CNTN4: variants seen among roughly 807,000 people sequenced by gnomAD.
CNTN4 encodes the protein contactin 4, also known as contactin-4.
A neutral mutation model predicts 122.5 loss-of-function variants in CNTN4; 77 were observed. That is an observed-to-expected ratio of 0.63 (90% CI 0.52 to 0.76). The LOEUF (loss-of-function observed/expected upper bound fraction) is 0.76. Among genes scored for constraint, CNTN4 ranks in the 30% least tolerant of loss-of-function variants. CNTN4 has a pLI of 0.00. For synonymous variants in CNTN4, 512 were observed against 447.0 expected, an observed-to-expected ratio of 1.15 and a Z score of -1.83; for missense variants, 1,256 against 1,259.1, an observed-to-expected ratio of 1.00 and a Z score of 0.04.
At chr3:2,906,561 G>C (rs2094235397) in intron 12 of CNTN4, among the ~76,000 whole-genome samples, 1 of 152,036 alleles carries the variant, frequency 6.6e-6, no homozygotes, top group South Asian at 2.1e-4. Flanking sequence ...ATGGTGGCCG[G>C]GCACGGTGGC....
intron 4 of CNTN4, among the ~76,000 whole-genome samples, chr3:2,686,746 T>C (rs1247117475): frequency 6.6e-6 from 1 of 152,208 alleles, no homozygotes; most frequent in Non-Finnish European, 1.5e-5. Flanking sequence ...CTAAGTCCTG[T>C]GCTCTGAGCA....
chr3:2,492,814 A>G (rs987437522), intron 3 of CNTN4, among the ~76,000 whole-genome samples: 1 of 152,208 alleles, frequency 6.6e-6, no homozygotes, highest in African/African-American at 2.4e-5. Context: ...ACCGCATGCC[A>G]GTACCCTAAT....
At chr3:2,702,268 A>G (rs2086398565) in intron 4 of CNTN4, among the ~76,000 whole-genome samples, 1 of 152,238 alleles carries the variant, frequency 6.6e-6, no homozygotes, top group Non-Finnish European at 1.5e-5. Context: ...ACCAAAGGAA[A>G]CCAGAGTGGA....
At chr3:2,294,029 G>A (rs549712898) in intron 2 of CNTN4, among the ~76,000 whole-genome samples, 137 of 152,292 alleles carry the variant, frequency 9.0e-4, no homozygotes, top group African/African-American at 3.2e-3. Context: ...GTTAGTGGAA[G>A]CATTTGAACC....
At chr3:2,832,364 A>C (rs9859742) in intron 7 of CNTN4, among the ~76,000 whole-genome samples, 1 of 152,002 alleles carries the variant, frequency 6.6e-6, no homozygotes, top group Non-Finnish European at 1.5e-5. Context: ...CAGGTCTGCT[A>C]GGGAGGAGCG....
chr3:2,435,981 A>G (rs986086754), intron 3 of CNTN4, among the ~76,000 whole-genome samples: 9 of 152,184 alleles, frequency 5.9e-5, no homozygotes, highest in Non-Finnish European at 1.2e-4. Flanking sequence ...AGGTCAAAAA[A>G]CTGTTTATAT....
intron 12 of CNTN4, among the ~76,000 whole-genome samples, chr3:2,906,159 T>A (rs2094229133): frequency 6.6e-6 from 1 of 151,350 alleles, no homozygotes; most frequent in Non-Finnish European, 1.5e-5. Context: ...TAGAGTAGAA[T>A]GCTGGTTGTC....
At chr3:2,178,736 C>G (rs2036869195) in intron 2 of CNTN4, among the ~76,000 whole-genome samples, 1 of 151,928 alleles carries the variant, frequency 6.6e-6, no homozygotes, top group African/African-American at 2.4e-5. Flanking sequence ...GCATCTGTAT[C>G]TTTTTTGGGG....
At chr3:2,894,167 A>G (rs949417234) in intron 10 of CNTN4, among the ~76,000 whole-genome samples, 1 of 152,184 alleles carries the variant, frequency 6.6e-6, no homozygotes, top group South Asian at 2.1e-4. Context: ...GCATTCTCCT[A>G]TATACTTCTG....
intron 3 of CNTN4, among the ~76,000 whole-genome samples, chr3:2,469,747 T>A (rs1330768498): frequency 6.6e-6 from 1 of 152,184 alleles, no homozygotes; most frequent in African/African-American, 2.4e-5. Context: ...TTGTTTCATA[T>A]ATATGGGTGA....
chr3:2,575,369 G>A (rs1238498784), intron 4 of CNTN4, among the ~76,000 whole-genome samples: 2 of 151,970 alleles, frequency 1.3e-5, no homozygotes, highest in Middle Eastern at 6.3e-3. Context: ...AAAGTAGCTG[G>A]GCATGGTGGT....
intron 2 of CNTN4, among the ~76,000 whole-genome samples, chr3:2,260,120 A>C (rs578070462): frequency 6.6e-6 from 1 of 152,286 alleles, no homozygotes; most frequent in African/African-American, 2.4e-5. Context: ...TTCTTGCCCA[A>C]GAATGGGGAT....
At chr3:2,633,995 A>G (rs2082551905) in intron 4 of CNTN4, among the ~76,000 whole-genome samples, 1 of 152,214 alleles carries the variant, frequency 6.6e-6, no homozygotes, top group African/African-American at 2.4e-5. Context: ...ATGATATCCT[A>G]TCCCTTACAA....
intron 2 of CNTN4, among the ~76,000 whole-genome samples, chr3:2,294,739 C>T (rs1317810219): frequency 2.6e-5 from 4 of 152,008 alleles, no homozygotes; most frequent in Non-Finnish European, 5.9e-5. Context: ...AGGTTTGTTA[C>T]CTATGTATAC....
chr3:2,992,359 A>T (rs1695130297), intron 14 of CNTN4, among the ~76,000 whole-genome samples: 1 of 152,238 alleles, frequency 6.6e-6, no homozygotes, highest in Non-Finnish European at 1.5e-5. Context: ...AAGCAAGAAC[A>T]GTTCTTAAGT....
At chr3:2,608,892 A>T (rs375387490) in intron 4 of CNTN4, among the ~76,000 whole-genome samples, 1 of 152,236 alleles carries the variant, frequency 6.6e-6, no homozygotes, top group Non-Finnish European at 1.5e-5. Context: ...GGGAGATTTC[A>T]TAGGCCAAAT....
Position 3,048,825 on chromosome 3 carries a change from C to A in CNTN4, c.2812-4982C>A, listed in dbSNP as rs1700952158. Among the ~76,000 whole-genome samples the A allele has an allele frequency of 2.6e-5, 4 of 152,072 alleles. No homozygotes were observed. The South Asian group carries it at 8.3e-4, about 32-fold the overall frequency. ...CCTTCTTCACTAAGTTGTCTGAATT[C>A]TTTAGATCTCAGCTTAGGTAGACAG... On this transcript the variant is annotated intron_variant, in intron 23 of 24. Transcript: ENST00000418658.
chr3:2,304,270 G>T (rs547256004), intron 2 of CNTN4, among the ~76,000 whole-genome samples: 1 of 152,146 alleles, frequency 6.6e-6, no homozygotes, highest in African/African-American at 2.4e-5. Context: ...GTTATTGAAT[G>T]CCTTATGTAA....
intron 3 of CNTN4, among the ~76,000 whole-genome samples, chr3:2,461,953 G>A (rs935397562): frequency 6.6e-6 from 1 of 152,104 alleles, no homozygotes; most frequent in Non-Finnish European, 1.5e-5. Context: ...AAGAGAAGAA[G>A]CTTTCTTCTC....
Sources: allele counts gnomAD v4.1 joint callset (sites outside exome capture counted in the v4.1 genomes callset), GRCh38; gene constraint gnomAD v4.1.1; transcripts MANE v1.5; gene names NCBI Gene and HGNC (gene_info 2026-07-23, HGNC 2026-07-21).